Variants in PPEF1 observed in about 807,000 individuals in gnomAD.
PPEF1 encodes protein phosphatase with EF-hand domain 1.
PPEF1 carries 12 observed loss-of-function variants against 53.3 expected under a neutral mutation model. That is an observed-to-expected ratio of 0.23 (90% CI 0.14 to 0.36). PPEF1 has a LOEUF of 0.36. PPEF1 is among the 10% of genes least tolerant of loss of function. PPEF1 has a pLI of 1.00. For missense variants in PPEF1, 334 were observed against 490.4 expected (o/e 0.68, Z 3.01); for synonymous variants, 165 against 176.7 (o/e 0.93, Z 0.52).
chrX:18,760,313 A>G (rs1193841663), intron 5 of PPEF1, among the ~76,000 whole-genome samples: 1 of 110,742 alleles, frequency 9.0e-6, no homozygotes, highest in African/African-American at 3.3e-5. Flanking sequence ...GGCTTCAGAT[A>G]CTCATGATCT....
chrX:18,813,987 C>T (rs764469781), intron 12 of PPEF1, among the ~76,000 whole-genome samples: 57 of 110,678 alleles, frequency 5.2e-4, no homozygotes, highest in African/African-American at 1.9e-3. Flanking sequence ...CAGCCCTTGC[C>T]CTCCTTTCTG....
intron 7 of PPEF1, among the ~76,000 whole-genome samples, chrX:18,780,321 G>C (rs919249872): frequency 8.9e-6 from 1 of 112,158 alleles, no homozygotes; most frequent in African/African-American, 3.2e-5. Flanking sequence ...TCAAGAAAGA[G>C]CCATAGAGGG....
chrX:18,797,603 C>T (rs973915199), intron 10 of PPEF1, among the ~76,000 whole-genome samples: 1 of 111,914 alleles, frequency 8.9e-6, no homozygotes, highest in African/African-American at 3.2e-5. Context: ...AATAAAGATC[C>T]GTTACCTTGC....
chrX:18,803,964 T>C lies in PPEF1; in HGVS notation c.1138T>C (p.Cys380Arg). ...TCCAAATACGTGCCGAGGAGGGGGC[T>C]GCTATTTTGGACCAGATGTTACTTC... is the stretch of plus-strand genomic sequence containing the variant. ...CFPNTCRGGGCYFGPDVTSKI... is the reference protein window; with the variant it reads ...CFPNTCRGGGRYFGPDVTSKI... Residue 380 changes from cysteine to arginine, a missense_variant, in exon 11 of 16, where the codon TGC (cysteine) becomes CGC (arginine). Coordinates refer to ENST00000470157, the MANE Select transcript of PPEF1 (RefSeq NM_001377996.1). 1 of 1,208,410 alleles carries C rather than the reference T, an allele frequency of 8.3e-7. No individual in the cohort carries two copies. The highest frequency in any genetic ancestry group is 1.1e-6 in the Non-Finnish European group (1 of 892,656).
chrX:18,825,279 A>C (rs2047146115), intron 14 of PPEF1, among the ~76,000 whole-genome samples: 1 of 111,291 alleles, frequency 9.0e-6, no homozygotes, highest in African/African-American at 3.3e-5. Flanking sequence ...TAGAGACTAA[A>C]GTATCCCCAG....
chrX:18,695,720 T>G (rs752751498), intron 4 of PPEF1, among the ~76,000 whole-genome samples: 1 of 112,766 alleles, frequency 8.9e-6, no homozygotes, highest in Non-Finnish European at 1.9e-5. Flanking sequence ...AGGGTTAGAT[T>G]AAGCAGTGGT....
At chrX:18,774,115 G>A (rs948617668) in intron 6 of PPEF1, among the ~76,000 whole-genome samples, 3 of 110,409 alleles carry the variant, frequency 2.7e-5, no homozygotes, top group Admixed American at 9.7e-5. Context: ...TTGAGACGGA[G>A]TTTCACTCTT....
intron 4 of PPEF1, among the ~76,000 whole-genome samples, chrX:18,695,542 C>T (rs1336979369): frequency 1.8e-5 from 2 of 111,788 alleles, no homozygotes; most frequent in African/African-American, 3.3e-5. Context: ...GGATTCTGTC[C>T]AGGTTTTATA....
chrX:18,707,165 C>T (rs77720332), upstream of PPEF1, among the ~76,000 whole-genome samples: 2,374 of 110,973 alleles, frequency 0.021, 49 homozygotes, highest in South Asian at 0.16. Context: ...CAACTTATTC[C>T]GCGAAATACT....
intron 6 of PPEF1, among the ~76,000 whole-genome samples, chrX:18,702,437 C>T (rs1053940876): frequency 2.8e-5 from 3 of 105,928 alleles, no homozygotes; most frequent in Non-Finnish European, 3.9e-5. Context: ...TAGGAAACTA[C>T]GAAACTGACA....
intron 1 of PPEF1, among the ~76,000 whole-genome samples, chrX:18,716,495 G>A (rs947688948): frequency 1.1e-5 from 1 of 92,898 alleles, no homozygotes. Flanking sequence ...TCACACCACT[G>A]CACTACAGCC....
intron 13 of PPEF1, among the ~76,000 whole-genome samples, chrX:18,821,805 A>G (rs1360316243): frequency 1.0e-5 from 1 of 95,464 alleles, no homozygotes; most frequent in East Asian, 3.2e-4. Context: ...GAGAGAGAGA[A>G]AACAAATAAC....
upstream of PPEF1, among the ~76,000 whole-genome samples, chrX:18,682,402 G>A (rs1928914367): frequency 8.9e-6 from 1 of 112,040 alleles, no homozygotes; most frequent in African/African-American, 3.2e-5. Flanking sequence ...TTTCTACTTT[G>A]GCGAGTTAGG....
chrX:18,823,257 T>C (rs1023113306), intron 13 of PPEF1, among the ~76,000 whole-genome samples: 2 of 112,232 alleles, frequency 1.8e-5, no homozygotes, highest in Non-Finnish European at 3.8e-5. Context: ...AAAAGAATAT[T>C]AGTTGTGAAA....
intron 8 of PPEF1, among the ~76,000 whole-genome samples, chrX:18,783,312 T>C (rs1170585177): frequency 9.1e-6 from 1 of 109,608 alleles, no homozygotes; most frequent in East Asian, 2.9e-4. Context: ...TCTCGGTTGC[T>C]TGGTTTGCAT....
intron 3 of PPEF1, among the ~76,000 whole-genome samples, chrX:18,744,673 A>C (rs1192362773): frequency 1.8e-5 from 2 of 111,376 alleles, no homozygotes; most frequent in Admixed American, 1.9e-4. Context: ...GCTATGGTGA[A>C]TAGAACATTT....
At chrX:18,701,646 T>C (rs1366480531) in intron 6 of PPEF1, among the ~76,000 whole-genome samples, 3 of 112,157 alleles carry the variant, frequency 2.7e-5, no homozygotes, top group Non-Finnish European at 5.6e-5. Flanking sequence ...AAAGGGCCCC[T>C]TGCTAGGCTC....
chrX:18,757,791 C>G (rs745321308), intron 5 of PPEF1, 50 bp downstream of exon 5: 1 of 953,631 alleles, frequency 1.0e-6, no homozygotes. Flanking sequence ...GCCTCTTGGT[C>G]CTACATCGTT....
At chrX:18,681,971 C>T (rs960809427), upstream of PPEF1, among the ~76,000 whole-genome samples, 4 of 112,325 alleles carry the variant, frequency 3.6e-5, no homozygotes, top group African/African-American at 9.7e-5. Flanking sequence ...AAGCCACTAA[C>T]GTTTGGGGTT....
Sources: gnomAD v4.1 joint callset for allele counts (sites outside exome capture counted in the v4.1 genomes callset) on GRCh38, gnomAD v4.1.1 for gene constraint, MANE v1.5 for transcripts, NCBI Gene and HGNC (gene_info 2026-07-23, HGNC 2026-07-21) for gene names.